CSF2RA: variants seen among roughly 807,000 people sequenced by gnomAD.
CSF2RA encodes the protein colony stimulating factor 2 receptor subunit alpha.
In CSF2RA, 42 loss-of-function variants were observed where a neutral mutation model predicts 51.6. The ratio of observed to expected loss-of-function variants is 0.81; its 90% CI spans 0.64 to 1.05. The LOEUF is 1.05. CSF2RA is among the 50% of genes least tolerant of loss of function. The pLI is 0.00. For synonymous variants in CSF2RA, 222 were observed against 193.0 expected, an observed-to-expected ratio of 1.15 and a Z score of -1.24; for missense variants, 530 against 501.1, an observed-to-expected ratio of 1.06 and a Z score of -0.55.
At chrX:1,322,629 A>G in the CSF2RA span, among the ~76,000 whole-genome samples, 2 of 151,560 alleles carry the variant, frequency 1.3e-5, no homozygotes, top group African/African-American at 2.4e-5. Flanking sequence ...CGGAGGAGCC[A>G]CGGTTCTCCT....
chrX:1,314,525 A>ACCCCAC (rs2084404833), downstream of CSF2RA, among the ~76,000 whole-genome samples: 1 of 107,632 alleles, frequency 9.3e-6, no homozygotes, highest in African/African-American at 3.8e-5. Flanking sequence ...CACCTGCCCA[A>ACCCCAC]TCCCACTGCA....
chrX:1,285,675 C>G, intron 3 of CSF2RA, 103 bp from the exon 4 acceptor site: 1 of 1,365,092 alleles, frequency 7.3e-7, no homozygotes, highest in Non-Finnish European at 9.9e-7. Context: ...GCACTCCAGC[C>G]TGGGAGACAA....
At chrX:1,304,416 C>T (rs1305774811) in intron 11 of CSF2RA, among the ~76,000 whole-genome samples, 8 of 146,068 alleles carry the variant, frequency 5.5e-5, no homozygotes, top group African/African-American at 1.8e-4. Context: ...AACAAAAGAA[C>T]GGAGAAAACG....
At chrX:1,303,465 C>T in intron 10 of CSF2RA, 1 of 447,268 alleles carries the variant, frequency 2.2e-6, no homozygotes, top group Non-Finnish European at 4.0e-6. Context: ...GTCTCGAACT[C>T]CTGACCTCAG....
At chrX:1,308,015 A>C (rs1416715437) in intron 12 of CSF2RA, among the ~76,000 whole-genome samples, 1 of 137,526 alleles carries the variant, frequency 7.3e-6, no homozygotes, top group Non-Finnish European at 1.6e-5. Flanking sequence ...TTAGACCTTC[A>C]ACTGATTAGA....
At chrX:1,271,641 T>A (rs1488308488) in intron 1 of CSF2RA, among the ~76,000 whole-genome samples, 4 of 151,196 alleles carry the variant, frequency 2.6e-5, no homozygotes, top group African/African-American at 7.3e-5. Context: ...CTCAGCCTCC[T>A]GGGTAGCTGG....
At chrX:1,320,710 G>T in the CSF2RA span, among the ~76,000 whole-genome samples, 3,412 of 138,188 alleles carry the variant, frequency 0.025, 108 homozygotes, top group African/African-American at 0.078. Flanking sequence ...ACGGGGTTTC[G>T]CCATGTTGGC....
chrX:1,312,551 T>C (rs2084236040), downstream of CSF2RA, among the ~76,000 whole-genome samples: 1 of 152,150 alleles, frequency 6.6e-6, no homozygotes, highest in South Asian at 2.1e-4. Flanking sequence ...TTATTCTGTC[T>C]CCCACATGGG....
At position 1,304,810 on chromosome X, in the gene CSF2RA, A is replaced by T. The variant is rs1455479275; in HGVS notation, c.1044-636A>T. ...CTCCCGAGTAGCTGGGATTACAGGC[A>T]TGCACCACGATGCTCACCTAATTTT... On this transcript the variant is annotated intron_variant, in intron 11 of 12. Transcript: ENST00000381529. Among the ~76,000 whole-genome samples the T allele has an allele frequency of 3.3e-5, 5 of 150,670 alleles. No homozygotes were observed. The East Asian group carries it at 9.8e-4, about 30-fold the overall frequency.
At chrX:1,270,123 C>G (rs1403483710) in intron 1 of CSF2RA, among the ~76,000 whole-genome samples, 6 of 152,104 alleles carry the variant, frequency 3.9e-5, no homozygotes, top group Non-Finnish European at 7.4e-5. Flanking sequence ...AAAAAGATAA[C>G]TAAAAGAAAA....
At chrX:1,292,794 T>G (rs1426878851) in intron 7 of CSF2RA, among the ~76,000 whole-genome samples, 4 of 152,102 alleles carry the variant, frequency 2.6e-5, no homozygotes, top group African/African-American at 7.2e-5. Context: ...GACGGAGGGC[T>G]TCCTCTTATC....
intron 3 of CSF2RA, among the ~76,000 whole-genome samples, chrX:1,284,585 G>A (rs1406187810): frequency 1.4e-5 from 2 of 143,122 alleles, no homozygotes; most frequent in East Asian, 2.1e-4. Context: ...ACACCACCAT[G>A]CCAAGCTAAT....
In CSF2RA at chrX:1,290,440, C is replaced by G. The variant is rs773129920; in HGVS notation, c.577C>G (p.Leu193Val). The change falls in exon 7 of 13, where the codon CTG (leucine) becomes GTG (valine). Residue 193 changes from leucine (L) to valine (V), a missense_variant. Transcript: ENST00000381529. ...AGGATTAACGTCTCGCAATTACTTT[C>G]TGGTTAACGGAACCAGCCGAGAAAT... ...LSGLTSRNYF[L>V]VNGTSREIGI... 1 of 1,613,860 alleles carries G rather than the reference C, an allele frequency of 6.2e-7. No homozygotes were observed.
intron 11 of CSF2RA, among the ~76,000 whole-genome samples, chrX:1,304,723 GTT>G (rs2083379745): frequency 6.6e-6 from 1 of 151,982 alleles, no homozygotes; most frequent in African/African-American, 2.4e-5. Context: ...GGAGTGCAGT[GTT>G]GCAATCTCGG....
At chrX:1,299,426 T>C (rs150898003) in intron 9 of CSF2RA, among the ~76,000 whole-genome samples, 2 of 152,156 alleles carry the variant, frequency 1.3e-5, no homozygotes, top group African/African-American at 4.8e-5. Context: ...CATTTATTTA[T>C]GTATGTATTT....
Position 1,272,913 on chromosome X carries a change from A to C in CSF2RA, c.-90-1842A>C, listed in dbSNP as rs190182813. ...AGCTCACCACAGCCTCCACCTCCCA[A>C]GGTCAAGCAATTCTCCTGCCTCAGC... is the stretch of plus-strand genomic sequence containing the variant. On this transcript the variant is annotated intron_variant, in intron 1 of 12. Coordinates refer to ENST00000381529, the MANE Select transcript of CSF2RA (RefSeq NM_172245.4). 3.7e-4 allele frequency among the ~76,000 whole-genome samples: 54 copies of C among 147,618 alleles called. No homozygotes were observed. The East Asian group carries it at 9.2e-3, about 25-fold the overall frequency.
Position 1,309,230 on chromosome X carries a change from G to A in CSF2RA, c.1126-172G>A, listed in dbSNP as rs377392505. Among the ~76,000 whole-genome samples, 97 of 152,124 alleles carry A rather than the reference G, an allele frequency of 6.4e-4. No homozygotes were observed. In the East Asian group the frequency reaches 0.015, roughly 24 times the overall value. On this transcript the variant is annotated intron_variant, in intron 12 of 12. Coordinates refer to ENST00000381529, the MANE Select transcript of CSF2RA (RefSeq NM_172245.4). ...CTCAGGAGGCTGAGGCAGGAGAATCGCTTGAACCCGGGAGGCCGAGGTTGC... is the reference window on the plus strand; with the variant it reads ...CTCAGGAGGCTGAGGCAGGAGAATCACTTGAACCCGGGAGGCCGAGGTTGC...
chrX:1,278,706 C>T (rs2089515624), intron 2 of CSF2RA, among the ~76,000 whole-genome samples: 1 of 143,652 alleles, frequency 7.0e-6, no homozygotes, highest in Non-Finnish European at 1.5e-5. Context: ...AAATTCAGGG[C>T]AAGCAAGTTT....
At chrX:1,313,815 T>C (rs769443578), downstream of CSF2RA, among the ~76,000 whole-genome samples, 184 of 151,622 alleles carry the variant, frequency 1.2e-3, no homozygotes, top group African/African-American at 4.4e-3. Context: ...ATGGTGAAAC[T>C]CCATCTCTGC....
Sources: gnomAD v4.1 joint callset for allele counts (sites outside exome capture counted in the v4.1 genomes callset) on GRCh38, gnomAD v4.1.1 for gene constraint, MANE v1.5 for transcripts, NCBI Gene and HGNC (gene_info 2026-07-23, HGNC 2026-07-21) for gene names.